SLC35A3: variants seen among roughly 807,000 people sequenced by gnomAD.
SLC35A3 encodes the protein solute carrier family 35 member A3.
Under a neutral mutation model 39.0 loss-of-function variants are expected in SLC35A3, and 26 were observed. The observed-to-expected ratio is 0.67, with a 90% CI of 0.49 to 0.92. The LOEUF (loss-of-function observed/expected upper bound fraction) is 0.92, where lower values mean the gene tolerates loss of function less well. Among genes scored for constraint, SLC35A3 ranks in the 40% least tolerant of loss-of-function variants. SLC35A3 has a pLI of 0.00. For missense variants in SLC35A3, 299 were observed against 371.6 expected (o/e 0.80, Z 1.61); for synonymous variants, 135 against 133.1 (o/e 1.01, Z -0.10).
At chr1:99,997,338 C>T (rs960766077) in intron 2 of SLC35A3, among the ~76,000 whole-genome samples, 3 of 139,562 alleles carry the variant, frequency 2.1e-5, no homozygotes, top group South Asian at 4.6e-4. Flanking sequence ...GCAATAATCA[C>T]GTAGACAACA....
At chr1:99,977,013 T>C (rs56139882) in intron 1 of SLC35A3, among the ~76,000 whole-genome samples, 6,950 of 152,182 alleles carry the variant, frequency 0.046, 360 homozygotes, top group African/African-American at 0.12. Context: ...TGTCAGACCA[T>C]AAATCCATAA....
At chr1:100,020,451 T>C (rs908282974) in intron 7 of SLC35A3, among the ~76,000 whole-genome samples, 5 of 152,236 alleles carry the variant, frequency 3.3e-5, no homozygotes, top group Non-Finnish European at 7.3e-5. Flanking sequence ...TGTCTAGTAA[T>C]TAATAATTAC....
intron 6 of SLC35A3, 66 bp downstream of exon 6, chr1:100,015,486 G>C (rs1249581209): frequency 6.6e-7 from 1 of 1,505,074 alleles, no homozygotes; most frequent in Admixed American, 2.2e-5. Flanking sequence ...AATCAAAGTA[G>C]CTCCTGATAT....
intron 7 of SLC35A3, among the ~76,000 whole-genome samples, chr1:100,021,280 C>T (rs1660519424): frequency 6.6e-6 from 1 of 151,810 alleles, no homozygotes; most frequent in Non-Finnish European, 1.5e-5. Context: ...AGGAGAATTG[C>T]TTGAACCTGG....
chr1:99,987,628 C>T (rs1411916521), intron 1 of SLC35A3, among the ~76,000 whole-genome samples: 1 of 152,038 alleles, frequency 6.6e-6, no homozygotes, highest in African/African-American at 2.4e-5. Flanking sequence ...CTAATGTAGG[C>T]ATGAAATAAT....
At chr1:99,994,643 C>T (rs1658277782) in intron 2 of SLC35A3, among the ~76,000 whole-genome samples, 1 of 152,106 alleles carries the variant, frequency 6.6e-6, no homozygotes, top group Non-Finnish European at 1.5e-5. Flanking sequence ...GGCTGAATAA[C>T]ATTCTATTGT....
chr1:100,027,043 C>G lies in SLC35A3; in HGVS notation c.*4567C>G. On this transcript the variant is annotated 3_prime_UTR_variant, in exon 8 of 8. Coordinates refer to ENST00000533028, the MANE Select transcript of SLC35A3 (RefSeq NM_012243.3). ...TCTATGACCTAACCTATGAATTAGT[C>G]TTCTCTCTTTATATATCAAAAATGA... 2.5e-6 allele frequency: 1 copy of G among 396,402 alleles called. No individual in the cohort carries two copies. The highest frequency in any genetic ancestry group is 4.4e-5 in the Admixed American group (1 of 22,676). The allele number at this position is 396,402 out of a possible 1,614,324, so 24.6% of individuals were successfully genotyped here.
chr1:100,028,612 G>A lies in SLC35A3; in HGVS notation c.*6136G>A, dbSNP rs1661046328. 2 of 152,368 alleles carry A rather than the reference G, an allele frequency of 1.3e-5. No individual in the cohort carries two copies. Among genetic ancestry groups the A allele is most frequent in the South Asian group, 4.1e-4 (2 of 4,834 alleles). 9.4% of individuals were successfully genotyped at this position (152,368 alleles called of 1,614,324 possible). ...CAAAGTGTTGGGATTACAGGCGTGA[G>A]CGACCACACCCAGCCCATATTGGTC... On this transcript the variant is annotated 3_prime_UTR_variant, in exon 8 of 8. Transcript: ENST00000533028.
intron 4 of SLC35A3, chr1:100,008,284 A>G (rs1365866813): frequency 1.3e-5 from 2 of 152,324 alleles, no homozygotes; most frequent in East Asian, 3.9e-4. Flanking sequence ...AATGAGTATT[A>G]CAAAAGTTTA....
chr1:100,027,760 G>A lies in SLC35A3; in HGVS notation c.*5284G>A, dbSNP rs1413664352. 1 of 151,972 alleles carries A rather than the reference G, an allele frequency of 6.6e-6. No individual in the cohort carries two copies. The highest frequency in any genetic ancestry group is 1.5e-5 in the Non-Finnish European group (1 of 68,014). 9.4% of individuals were successfully genotyped at this position (151,972 alleles called of 1,614,324 possible). A position where few individuals can be genotyped will look rare whatever the true frequency, so the allele number is the denominator to read the frequency against. The stretch of plus-strand genomic sequence containing the variant: ...AATACTTTGTAAAAAAATCACTAAA[G>A]TGCCAGCATTTTTAAAGTGTATATT... On this transcript the variant is annotated 3_prime_UTR_variant, in exon 8 of 8. Coordinates refer to ENST00000533028, the MANE Select transcript of SLC35A3 (RefSeq NM_012243.3).
chr1:100,012,225 A>G (rs1393501697), intron 5 of SLC35A3, among the ~76,000 whole-genome samples: 1 of 152,104 alleles, frequency 6.6e-6, no homozygotes, highest in African/African-American at 2.4e-5. Context: ...CGGAGGTTGC[A>G]GTGAGCCAAG....
intron 6 of SLC35A3, 43 bp downstream of exon 6, chr1:100,015,463 T>C: frequency 6.4e-7 from 1 of 1,561,976 alleles, no homozygotes; most frequent in Non-Finnish European, 8.6e-7. Context: ...ATAAACTGTA[T>C]TTTAATATAA....
intron 1 of SLC35A3, among the ~76,000 whole-genome samples, chr1:99,976,082 A>C (rs1233496388): frequency 1.3e-5 from 2 of 152,122 alleles, no homozygotes; most frequent in Non-Finnish European, 2.9e-5. Context: ...AAAAAACCCC[A>C]AAAATAAAAG....
chr1:99,984,141 T>G (rs1415041992), intron 1 of SLC35A3, among the ~76,000 whole-genome samples: 1 of 151,914 alleles, frequency 6.6e-6, no homozygotes, highest in African/African-American at 2.4e-5. Context: ...AAACAAGAAA[T>G]AGAGGGGACC....
chr1:100,017,041 A>G (rs1660185863), intron 6 of SLC35A3, among the ~76,000 whole-genome samples: 1 of 152,242 alleles, frequency 6.6e-6, no homozygotes, highest in African/African-American at 2.4e-5. Context: ...TTGTTGCAGT[A>G]GGTAACCCAG....
At chr1:99,992,354 C>T (rs1658139531) in intron 1 of SLC35A3, among the ~76,000 whole-genome samples, 1 of 151,890 alleles carries the variant, frequency 6.6e-6, no homozygotes, top group African/African-American at 2.4e-5. Flanking sequence ...TTATGTAACC[C>T]ATTTTGGCTG....
chr1:100,011,859 T>C (rs150730813), intron 5 of SLC35A3, among the ~76,000 whole-genome samples: 15,777 of 151,232 alleles, frequency 0.1, 1,320 homozygotes, highest in African/African-American at 0.23. Flanking sequence ...GCTGAGACTA[T>C]AGGCGCCCGC....
At chr1:100,015,773 TATTTA>T (rs1350044814) in intron 6 of SLC35A3, 1 of 224,900 alleles carries the variant, frequency 4.4e-6, no homozygotes, top group Admixed American at 5.7e-5. Flanking sequence ...CAGATCTAGA[TATTTA>T]ATTCTGTGAC....
intron 7 of SLC35A3, among the ~76,000 whole-genome samples, chr1:100,021,371 T>G (rs1660527501): frequency 6.6e-6 from 1 of 150,616 alleles, no homozygotes; most frequent in Non-Finnish European, 1.5e-5. Context: ...CTCAAAAAAA[T>G]AAATAAATAA....
Sources: gnomAD v4.1 joint callset for allele counts (sites outside exome capture counted in the v4.1 genomes callset) on GRCh38, gnomAD v4.1.1 for gene constraint, MANE v1.5 for transcripts, NCBI Gene and HGNC (gene_info 2026-07-23, HGNC 2026-07-21) for gene names.